KANSL1L: variants seen among roughly 807,000 people sequenced by gnomAD.
KANSL1L encodes the protein KAT8 regulatory NSL complex subunit 1-like protein.
In KANSL1L, 25 loss-of-function variants were observed where a neutral mutation model predicts 108.6. That is an observed-to-expected ratio of 0.23 (90% CI 0.17 to 0.32). The LOEUF (loss-of-function observed/expected upper bound fraction) is 0.32. Among genes scored for constraint, KANSL1L ranks in the 10% least tolerant of loss-of-function variants. KANSL1L has a pLI of 1.00. For missense variants in KANSL1L, 1,137 were observed against 1,125.7 expected (o/e 1.01, Z -0.14); for synonymous variants, 405 against 395.1 (o/e 1.03, Z -0.30).
intron 3 of KANSL1L, among the ~76,000 whole-genome samples, chr2:210,107,065 G>T (rs2094854102): frequency 6.6e-6 from 1 of 152,050 alleles, no homozygotes; most frequent in South Asian, 2.1e-4. Context: ...TACAACAACT[G>T]AAACAAGTCA....
At chr2:210,117,763 T>C (rs1417919080) in intron 3 of KANSL1L, among the ~76,000 whole-genome samples, 1 of 152,068 alleles carries the variant, frequency 6.6e-6, no homozygotes, top group Non-Finnish European at 1.5e-5. Flanking sequence ...ATACAAAGGA[T>C]TATAAGAGAC....
intron 2 of KANSL1L, among the ~76,000 whole-genome samples, chr2:210,145,217 G>A (rs2095257235): frequency 2.6e-5 from 4 of 152,184 alleles, no homozygotes; most frequent in Non-Finnish European, 5.9e-5. Context: ...CAGGAAAGTT[G>A]TGGCCAGTGG....
intron 3 of KANSL1L, among the ~76,000 whole-genome samples, chr2:210,126,770 A>G (rs1189828620): frequency 6.6e-6 from 1 of 152,266 alleles, no homozygotes; most frequent in African/African-American, 2.4e-5. Context: ...GTGAGCTGAT[A>G]TCGTGCCATT....
chr2:210,079,662 ATATGTATG>A (rs1238052062), intron 5 of KANSL1L: 10 of 12,674 alleles, frequency 7.9e-4, no homozygotes, highest in South Asian at 5.2e-3. Flanking sequence ...ATATATATAT[ATATGTATG>A]TGTGTATATA....
chr2:210,022,646 C>CA lies in KANSL1L; in HGVS notation c.*302dup, dbSNP rs1245672289. On this transcript the variant is annotated 3_prime_UTR_variant, in exon 15 of 15. Coordinates refer to ENST00000281772, the MANE Select transcript of KANSL1L (RefSeq NM_152519.4). ...TATGTATGTATGTATGGTGTGGGTA[C>CA]ATAGTCTTAAAAATTACCCAGTAAT... The CA allele has an allele frequency of 5.8e-6, 2 of 342,740 alleles. No homozygotes were observed. The highest frequency in any genetic ancestry group is 4.2e-5 in the African/African-American group (2 of 47,168). The allele number at this position is 342,740 out of a possible 1,614,324, so 21.2% of individuals were successfully genotyped here.
intron 4 of KANSL1L, among the ~76,000 whole-genome samples, chr2:210,102,563 CCTAT>C (rs1365253978): frequency 3.9e-5 from 6 of 152,092 alleles, no homozygotes; most frequent in African/African-American, 1.4e-4. Flanking sequence ...TTGCAATCTA[CCTAT>C]CTGACAAAGG....
chr2:210,139,608 CG>C (rs1214506045), intron 2 of KANSL1L, among the ~76,000 whole-genome samples: 1 of 152,028 alleles, frequency 6.6e-6, no homozygotes, highest in African/African-American at 2.4e-5. Flanking sequence ...AGGTGTGAGA[CG>C]GTATCTCATT....
chr2:210,162,781 G>T (rs1463404442), intron 1 of KANSL1L, among the ~76,000 whole-genome samples: 1 of 152,124 alleles, frequency 6.6e-6, no homozygotes, highest in Non-Finnish European at 1.5e-5. Context: ...AACGTGTTTA[G>T]AAGTGTATAA....
intron 3 of KANSL1L, among the ~76,000 whole-genome samples, chr2:210,114,480 G>A (rs1019873199): frequency 6.6e-6 from 1 of 152,110 alleles, no homozygotes; most frequent in Non-Finnish European, 1.5e-5. Flanking sequence ...CATGCAAGGT[G>A]AAATGAAAGA....
At chr2:210,049,224 A>C (rs771016914) in intron 6 of KANSL1L, among the ~76,000 whole-genome samples, 1 of 152,160 alleles carries the variant, frequency 6.6e-6, no homozygotes, top group African/African-American at 2.4e-5. Flanking sequence ...TATTCATAAG[A>C]AAGCTTCAGA....
At chr2:210,074,334 C>T (rs995158572) in intron 6 of KANSL1L, among the ~76,000 whole-genome samples, 1 of 152,100 alleles carries the variant, frequency 6.6e-6, no homozygotes, top group Non-Finnish European at 1.5e-5. Context: ...ACCTTATAAA[C>T]CCTGAAATAT....
intron 2 of KANSL1L, among the ~76,000 whole-genome samples, chr2:210,129,835 A>G (rs2095103992): frequency 6.6e-6 from 1 of 152,132 alleles, no homozygotes; most frequent in African/African-American, 2.4e-5. Flanking sequence ...GAATTTACAT[A>G]AAGCCTTTCT....
At chr2:210,091,764 CATTTT>C (rs2094694894) in intron 5 of KANSL1L, among the ~76,000 whole-genome samples, 1 of 152,092 alleles carries the variant, frequency 6.6e-6, no homozygotes, top group Admixed American at 6.6e-5. Flanking sequence ...GGTTACTTAC[CATTTT>C]ATTTGTTCTT....
intron 1 of KANSL1L, chr2:210,170,397 G>T (rs889625259): frequency 2.7e-5 from 27 of 985,214 alleles, no homozygotes; most frequent in Non-Finnish European, 2.9e-5. Context: ...AACATTACAA[G>T]AACGTCCATC....
At chr2:210,140,068 T>C (rs1286272828) in intron 2 of KANSL1L, among the ~76,000 whole-genome samples, 2 of 152,186 alleles carry the variant, frequency 1.3e-5, no homozygotes, top group African/African-American at 2.4e-5. Context: ...TTAACTTCCA[T>C]ATGTACTTTG....
chr2:210,159,071 C>T (rs992538954), intron 1 of KANSL1L, among the ~76,000 whole-genome samples: 1 of 152,140 alleles, frequency 6.6e-6, no homozygotes, highest in South Asian at 2.1e-4. Flanking sequence ...CAACAAATAA[C>T]CTGGTGAGAA....
chr2:210,063,730 T>C (rs573016110), intron 6 of KANSL1L: 34 of 152,184 alleles, frequency 2.2e-4, no homozygotes, highest in Non-Finnish European at 3.8e-4. Context: ...ATTTACCCAA[T>C]GACTGTACCC....
intron 6 of KANSL1L, among the ~76,000 whole-genome samples, chr2:210,045,250 T>C (rs2094211428): frequency 6.6e-6 from 1 of 152,192 alleles, no homozygotes; most frequent in Non-Finnish European, 1.5e-5. Context: ...TAATCAAATA[T>C]TTTCTTAAAT....
Position 210,154,439 on chromosome 2 carries a change from C to T in KANSL1L, c.144G>A (p.Met48Ile). The T allele has an allele frequency of 1.2e-6, 2 of 1,613,352 alleles. No homozygotes were observed. The highest frequency in any genetic ancestry group is 1.7e-6 in the Non-Finnish European group (2 of 1,179,688). The change falls in exon 2 of 15, where the codon ATG becomes ATA. Residue 48 changes from methionine (M) to isoleucine (I), a missense_variant. Around this residue, in one of 3 missense-constraint regions of KANSL1L, gnomAD observed 556 missense variants for 537.7 expected, o/e 1.03. Coordinates refer to ENST00000281772, the MANE Select transcript of KANSL1L (RefSeq NM_152519.4). ...EKLKGDTFSQ[M>I]LGFPTPEPTL... is the part of the protein sequence containing the mutation. The stretch of plus-strand genomic sequence containing the variant: ...TAGGTTCAGGAGTTGGAAATCCAAG[C>T]ATCTGAGAAAAGGTGTCTCCCTTTA...
Sources: allele counts gnomAD v4.1 joint callset (sites outside exome capture counted in the v4.1 genomes callset), GRCh38; gene constraint gnomAD v4.1.1; regional missense constraint gnomAD v4.1.1; transcripts MANE v1.5; gene names NCBI Gene and HGNC (gene_info 2026-07-23, HGNC 2026-07-21).